Variants in ENDOD1 observed in about 807,000 individuals in gnomAD.
The protein encoded by ENDOD1 is endonuclease domain containing 1.
In ENDOD1, 9 loss-of-function variants were observed where a neutral mutation model predicts 6.5. The observed-to-expected ratio is 1.39, with a 90% CI of 0.84 to 2.43. ENDOD1 has a LOEUF of 2.43. Among genes scored for constraint, ENDOD1 ranks in the 30% most tolerant of loss-of-function variants. ENDOD1 has a pLI of 0.00. For synonymous variants in ENDOD1, 255 were observed against 255.2 expected (o/e 1.00, Z 0.01); for missense variants, 648 against 635.5 (o/e 1.02, Z -0.21).
chr11:95,106,134 A>G (rs192972858), intron 1 of ENDOD1, among the ~76,000 whole-genome samples: 1 of 152,314 alleles, frequency 6.6e-6, no homozygotes. Context: ...TCAGCCTCCC[A>G]TAAAAGTCAG....
chr11:95,092,739 T>C (rs1273810863), intron 1 of ENDOD1, among the ~76,000 whole-genome samples: 1 of 152,156 alleles, frequency 6.6e-6, no homozygotes, highest in African/African-American at 2.4e-5. Context: ...CAGCTGGGCC[T>C]GGAGTGCACT....
chr11:95,104,467 GAA>G (rs1859071246), intron 1 of ENDOD1, among the ~76,000 whole-genome samples: 1 of 126,900 alleles, frequency 7.9e-6, no homozygotes, highest in Non-Finnish European at 1.7e-5. Flanking sequence ...AAAAAAAAAA[GAA>G]AGAAGGACAA....
rs748638467 is a variant in ENDOD1 at position 95,129,517 on chromosome 11, G to T, written c.1441G>T (p.Val481Phe). The change falls in exon 2 of 2, where the codon GTT becomes TTT. Residue 481 changes from valine to phenylalanine, a missense_variant. Transcript: ENST00000278505. ...FGTLGGLFQV[V>F]FSVCKRIGYK... Reference sequence around the variant, plus strand: ...TACCCTGGGTGGCCTATTTCAGGTGGTTTTTAGTGTCTGCAAGCGGATTGG... The same window carrying T: ...TACCCTGGGTGGCCTATTTCAGGTGTTTTTTAGTGTCTGCAAGCGGATTGG... 1 of 1,614,064 alleles carries T rather than the reference G, an allele frequency of 6.2e-7. No homozygotes were observed. Among genetic ancestry groups the T allele is most frequent in the Admixed American group, 1.7e-5 (1 of 60,002 alleles).
intron 1 of ENDOD1, among the ~76,000 whole-genome samples, chr11:95,095,294 C>A (rs1043034785): frequency 1.3e-5 from 1 of 78,588 alleles, no homozygotes; most frequent in African/African-American, 2.9e-5. Context: ...CAAACAGGTA[C>A]CAAAGACATC....
At chr11:95,124,279 G>A (rs996181909) in intron 1 of ENDOD1, among the ~76,000 whole-genome samples, 2 of 152,088 alleles carry the variant, frequency 1.3e-5, no homozygotes, top group South Asian at 4.1e-4. Context: ...CTGTGTCTTG[G>A]TTTCCCTATC....
Position 95,128,915 on chromosome 11 carries a change from A to G in ENDOD1, c.839A>G (p.Lys280Arg), listed in dbSNP as rs762101609. 2 of 1,614,162 alleles carry G rather than the reference A, an allele frequency of 1.2e-6. No homozygotes were observed. ...GETEQDTEKMKKILEVVNQIQ... is the reference protein window; with the variant it reads ...GETEQDTEKMRKILEVVNQIQ... ...ACTGAGCAAGACACAGAGAAAATGA[A>G]AAAAATCCTGGAAGTGGTTAACCAA... The change falls in exon 2 of 2, where the codon AAA (lysine) becomes AGA (arginine). Residue 280 changes from lysine to arginine, a missense_variant. Transcript: ENST00000278505.
chr11:95,126,206 A>G (rs1307315405), intron 1 of ENDOD1, among the ~76,000 whole-genome samples: 1 of 152,194 alleles, frequency 6.6e-6, no homozygotes, highest in Non-Finnish European at 1.5e-5. Context: ...CAATACCCCT[A>G]TGCATACCTA....
intron 1 of ENDOD1, among the ~76,000 whole-genome samples, chr11:95,100,008 C>A (rs893600135): frequency 6.6e-6 from 1 of 152,124 alleles, no homozygotes; most frequent in Non-Finnish European, 1.5e-5. Flanking sequence ...GAAAAGAAAG[C>A]CAAGTTTGTG....
intron 1 of ENDOD1, among the ~76,000 whole-genome samples, chr11:95,103,635 CAG>C (rs1859062546): frequency 6.6e-6 from 1 of 152,298 alleles, no homozygotes; most frequent in East Asian, 1.9e-4. Context: ...ATTAAACATG[CAG>C]AGTGGTTAAG....
intron 1 of ENDOD1, among the ~76,000 whole-genome samples, chr11:95,124,228 GCTA>G (rs1859290262): frequency 6.6e-6 from 1 of 152,120 alleles, no homozygotes; most frequent in Non-Finnish European, 1.5e-5. Flanking sequence ...TTCCATTCCT[GCTA>G]CTAATTATTG....
chr11:95,110,253 C>A (rs558914167), intron 1 of ENDOD1, among the ~76,000 whole-genome samples: 1 of 152,350 alleles, frequency 6.6e-6, no homozygotes, highest in Admixed American at 6.5e-5. Flanking sequence ...TTCATCCTCC[C>A]CTGCATTCTC....
intron 1 of ENDOD1, among the ~76,000 whole-genome samples, chr11:95,126,779 C>G (rs1441917596): frequency 6.6e-6 from 1 of 152,164 alleles, no homozygotes; most frequent in African/African-American, 2.4e-5. Context: ...TTCCCAGGCT[C>G]AAGCGATTCT....
At chr11:95,128,278 GA>G (rs1354846601) in intron 1 of ENDOD1, 98 bp from the exon 2 acceptor site, 1 of 1,388,976 alleles carries the variant, frequency 7.2e-7, no homozygotes, top group Non-Finnish European at 9.7e-7. Context: ...TGAAGTAATA[GA>G]CCAGTGGGGA....
chr11:95,117,490 G>T (rs955749330), intron 1 of ENDOD1, among the ~76,000 whole-genome samples: 35 of 152,162 alleles, frequency 2.3e-4, no homozygotes, highest in Non-Finnish European at 4.0e-4. Flanking sequence ...TCCTCTTGCT[G>T]AATTGACCCC....
At chr11:95,099,751 C>T (rs1445048405) in intron 1 of ENDOD1, among the ~76,000 whole-genome samples, 1 of 152,132 alleles carries the variant, frequency 6.6e-6, no homozygotes, top group Non-Finnish European at 1.5e-5. Context: ...TGCATTTGTC[C>T]CTATACCGAC....
At chr11:95,092,642 C>T (rs1858942236) in intron 1 of ENDOD1, among the ~76,000 whole-genome samples, 1 of 152,124 alleles carries the variant, frequency 6.6e-6, no homozygotes, top group South Asian at 2.1e-4. Context: ...TGGCTGGCCT[C>T]CCACATCCAC....
intron 1 of ENDOD1, among the ~76,000 whole-genome samples, chr11:95,115,495 T>G (rs1859199623): frequency 6.6e-6 from 1 of 152,184 alleles, no homozygotes; most frequent in Non-Finnish European, 1.5e-5. Context: ...CTTTATTTCT[T>G]TCTCTTCTCT....
chr11:95,111,563 A>G (rs543731855), intron 1 of ENDOD1, among the ~76,000 whole-genome samples: 2 of 152,038 alleles, frequency 1.3e-5, no homozygotes, highest in South Asian at 4.2e-4. Flanking sequence ...ATCATCAGGC[A>G]TTAGATTCTC....
At chr11:95,094,123 A>T (rs1007602365) in intron 1 of ENDOD1, among the ~76,000 whole-genome samples, 1 of 148,090 alleles carries the variant, frequency 6.8e-6, no homozygotes, top group Admixed American at 6.8e-5. Context: ...TGAATATATA[A>T]ATTATATAAT....
Sources: allele counts gnomAD v4.1 joint callset (sites outside exome capture counted in the v4.1 genomes callset), GRCh38; gene constraint gnomAD v4.1.1; transcripts MANE v1.5; gene names NCBI Gene and HGNC (gene_info 2026-07-23, HGNC 2026-07-21).